Variants in CNTN5 observed in about 807,000 individuals in gnomAD.
CNTN5 encodes contactin 5.
A neutral mutation model predicts 129.1 loss-of-function variants in CNTN5; 77 were observed. The ratio of observed to expected loss-of-function variants is 0.60; its 90% CI spans 0.50 to 0.72. CNTN5 has a LOEUF of 0.72. CNTN5 is among the 30% of genes least tolerant of loss of function. The pLI, the probability that CNTN5 is intolerant of heterozygous loss-of-function variation, is 0.00. For synonymous variants in CNTN5, 509 were observed against 465.6 expected, an observed-to-expected ratio of 1.09 and a Z score of -1.20; for missense variants, 1,478 against 1,328.8, an observed-to-expected ratio of 1.11 and a Z score of -1.75.
At chr11:100,160,983 T>C (rs187171406) in intron 13 of CNTN5, among the ~76,000 whole-genome samples, 7 of 152,060 alleles carry the variant, frequency 4.6e-5, no homozygotes, top group South Asian at 2.1e-4. Context: ...CCAGAGCTTG[T>C]ATTCTTAAGA....
At chr11:99,388,997 T>TTTATG in intron 2 of CNTN5, among the ~76,000 whole-genome samples, 1 of 143,918 alleles carries the variant, frequency 6.9e-6, no homozygotes, top group Admixed American at 7.0e-5. Flanking sequence ...TTTATTTTAT[T>TTTATG]TTATTTTATT....
intron 6 of CNTN5, among the ~76,000 whole-genome samples, chr11:99,865,115 G>A (rs978791769): frequency 3.9e-5 from 6 of 152,096 alleles, no homozygotes; most frequent in African/African-American, 9.7e-5. Flanking sequence ...TTGAGACCTT[G>A]TATTCATTCA....
intron 9 of CNTN5, among the ~76,000 whole-genome samples, chr11:100,042,156 C>G (rs1208666772): frequency 6.6e-6 from 1 of 151,894 alleles, no homozygotes; most frequent in Non-Finnish European, 1.5e-5. Context: ...AAAATTTTGC[C>G]TTCAAAAGTT....
chr11:99,279,156 T>C (rs140004077), intron 1 of CNTN5, among the ~76,000 whole-genome samples: 1 of 151,938 alleles, frequency 6.6e-6, no homozygotes, highest in East Asian at 1.9e-4. Flanking sequence ...ATTTCGGTTA[T>C]ATTTAATCTT....
At chr11:99,160,653 A>G (rs1565366064) in intron 1 of CNTN5, among the ~76,000 whole-genome samples, 2 of 152,190 alleles carry the variant, frequency 1.3e-5, no homozygotes, top group Non-Finnish European at 1.5e-5. Flanking sequence ...CAGACTTGCC[A>G]TCTAGTGATG....
At chr11:99,796,374 T>G (rs143938226) in intron 3 of CNTN5, among the ~76,000 whole-genome samples, 1 of 152,132 alleles carries the variant, frequency 6.6e-6, no homozygotes, top group East Asian at 1.9e-4. Flanking sequence ...TCCACCTGTA[T>G]GCATGTGTGC....
intron 2 of CNTN5, among the ~76,000 whole-genome samples, chr11:99,442,652 A>C (rs1371507254): frequency 6.6e-6 from 1 of 152,230 alleles, no homozygotes; most frequent in African/African-American, 2.4e-5. Context: ...TGACTCCTGC[A>C]ATAAAGGCTA....
intron 1 of CNTN5, among the ~76,000 whole-genome samples, chr11:99,036,953 T>C (rs1273101954): frequency 6.6e-6 from 1 of 152,200 alleles, no homozygotes; most frequent in East Asian, 1.9e-4. Flanking sequence ...AAGAGGTCAA[T>C]CTAAAATGCT....
chr11:99,774,865 A>T lies in CNTN5; in HGVS notation c.56-44679A>T, dbSNP rs149807998. Among the ~76,000 whole-genome samples the T allele has an allele frequency of 2.0e-4, 30 of 151,734 alleles. No individual in the cohort carries two copies. In the East Asian group the frequency reaches 4.1e-3, roughly 21 times the overall value. Reference sequence around the variant, plus strand: ...ATTAAAGCCATTATAACAAAATATTAAAAAAAAATTTTCTTTCAAAAAACC... The same window carrying T: ...ATTAAAGCCATTATAACAAAATATTTAAAAAAAATTTTCTTTCAAAAAACC... On this transcript the variant is annotated intron_variant, in intron 3 of 24. Transcript: ENST00000524871.
At chr11:99,187,281 C>T (rs1462796524) in intron 1 of CNTN5, among the ~76,000 whole-genome samples, 1 of 151,570 alleles carries the variant, frequency 6.6e-6, no homozygotes, top group Non-Finnish European at 1.5e-5. Flanking sequence ...CCCCAGGCAG[C>T]ACTTAACATA....
At chr11:100,017,416 T>C (rs756127172) in intron 9 of CNTN5, among the ~76,000 whole-genome samples, 4 of 152,040 alleles carry the variant, frequency 2.6e-5, no homozygotes, top group Non-Finnish European at 4.4e-5. Context: ...AATGTTGTGT[T>C]GTAGTTTAAT....
At chr11:99,055,814 G>A (rs1940518) in intron 1 of CNTN5, among the ~76,000 whole-genome samples, 2,037 of 152,060 alleles carry the variant, frequency 0.013, 47 homozygotes, top group African/African-American at 0.046. Flanking sequence ...TTGCCCTGAA[G>A]GGACCCTTTC....
At chr11:99,333,540 A>T (rs1160193452) in intron 2 of CNTN5, among the ~76,000 whole-genome samples, 1 of 152,076 alleles carries the variant, frequency 6.6e-6, no homozygotes, top group African/African-American at 2.4e-5. Flanking sequence ...TTAAAATAAT[A>T]AAACATTTTA....
intron 9 of CNTN5, among the ~76,000 whole-genome samples, chr11:100,011,045 A>C (rs1940496751): frequency 1.3e-5 from 2 of 152,146 alleles, no homozygotes; most frequent in South Asian, 4.1e-4. Context: ...CAGGTGCTGA[A>C]TATGTACACT....
intron 3 of CNTN5, among the ~76,000 whole-genome samples, chr11:99,713,420 T>C (rs1465999283): frequency 6.6e-6 from 1 of 152,064 alleles, no homozygotes; most frequent in Middle Eastern, 3.2e-3. Context: ...GTTTTCTAAA[T>C]ACACAATCAC....
intron 18 of CNTN5, among the ~76,000 whole-genome samples, chr11:100,281,668 A>G (rs1421962980): frequency 6.6e-6 from 1 of 152,136 alleles, no homozygotes; most frequent in Non-Finnish European, 1.5e-5. Flanking sequence ...ATCCATTTGA[A>G]TAAACTTCAT....
intron 6 of CNTN5, among the ~76,000 whole-genome samples, chr11:99,894,446 A>G (rs138703765): frequency 6.7e-6 from 1 of 148,338 alleles, no homozygotes; most frequent in East Asian, 2.0e-4. Flanking sequence ...ATTTTTGTTT[A>G]CCACCTGCAA....
chr11:100,129,839 TTG>T (rs71305308), intron 13 of CNTN5, among the ~76,000 whole-genome samples: 5 of 150,700 alleles, frequency 3.3e-5, no homozygotes, highest in Non-Finnish European at 4.4e-5. Context: ...GTGTGTGTGT[TTG>T]TGTGTGTGTG....
chr11:99,536,434 A>G (rs571675006), intron 2 of CNTN5, among the ~76,000 whole-genome samples: 70 of 152,120 alleles, frequency 4.6e-4, no homozygotes, highest in Non-Finnish European at 8.5e-4. Context: ...GCTCTAAGGA[A>G]TCTTAAAAAC....
Sources: allele counts gnomAD v4.1 joint callset (sites outside exome capture counted in the v4.1 genomes callset), GRCh38; gene constraint gnomAD v4.1.1; transcripts MANE v1.5; gene names NCBI Gene and HGNC (gene_info 2026-07-23, HGNC 2026-07-21).